CHST15: variants seen among roughly 807,000 people sequenced by gnomAD.
CHST15 encodes B cell RAG associated protein (GALNAC4S-6ST).
Under a neutral mutation model 53.6 loss-of-function variants are expected in CHST15, and 30 were observed. The observed-to-expected ratio is 0.56, with a 90% CI of 0.42 to 0.76. CHST15 has a LOEUF of 0.76. Among genes scored for constraint, CHST15 ranks in the 30% least tolerant of loss-of-function variants. The pLI, the probability that CHST15 is intolerant of heterozygous loss-of-function variation, is 0.00. For synonymous variants in CHST15, 296 were observed against 289.8 expected (o/e 1.02, Z -0.22); for missense variants, 627 against 740.5 (o/e 0.85, Z 1.78).
At chr10:124,015,578 C>T (rs1020106885) in intron 6 of CHST15, among the ~76,000 whole-genome samples, 7 of 151,984 alleles carry the variant, frequency 4.6e-5, no homozygotes, top group African/African-American at 9.7e-5. Flanking sequence ...GGTACCAGGC[C>T]GAGCCTCTCC....
intron 5 of CHST15, among the ~76,000 whole-genome samples, chr10:124,032,473 T>C (rs1360093687): frequency 6.6e-6 from 1 of 152,176 alleles, no homozygotes; most frequent in Non-Finnish European, 1.5e-5. Flanking sequence ...CTTCCACGCA[T>C]TTTTCACATT....
Position 124,044,675 on chromosome 10 carries a change from C to T in CHST15, c.791G>A (p.Cys264Tyr). The T allele has an allele frequency of 6.2e-7, 1 of 1,613,614 alleles. No homozygotes were observed. Among genetic ancestry groups the T allele is most frequent in the Non-Finnish European group, 8.5e-7 (1 of 1,179,774 alleles). The change falls in exon 3 of 8, where the codon TGC becomes TAC. Residue 264 changes from cysteine to tyrosine, a missense_variant. This residue lies in a region of CHST15 where 161 missense variants were observed against 117.2 expected (regional missense o/e 1.37). Transcript: ENST00000435907. Reference sequence around the variant, plus strand: ...GCGGTCATAGAGGTCTGTGGTCCCGCACTTGGGCTGCCCTATGATGTAGAA... The same window carrying T: ...GCGGTCATAGAGGTCTGTGGTCCCGTACTTGGGCTGCCCTATGATGTAGAA... ...PHFYIIGQPK[C>Y]GTTDLYDRLR...
chr10:124,071,649 A>C (rs1948916185), intron 1 of CHST15, among the ~76,000 whole-genome samples: 1 of 152,340 alleles, frequency 6.6e-6, no homozygotes. Flanking sequence ...TTCAAATTCC[A>C]GTGTGTATTT....
intron 1 of CHST15, among the ~76,000 whole-genome samples, chr10:124,070,265 G>C (rs1948872725): frequency 6.6e-6 from 1 of 152,222 alleles, no homozygotes; most frequent in Non-Finnish European, 1.5e-5. Context: ...CAAGGGAAAT[G>C]CATATGCCCA....
chr10:124,037,921 C>T (rs1947570105), intron 5 of CHST15, among the ~76,000 whole-genome samples: 2 of 152,078 alleles, frequency 1.3e-5, no homozygotes, highest in Admixed American at 1.3e-4. Context: ...CTTGACAGTA[C>T]CAAGGAACCG....
At position 124,074,226 on chromosome 10, in the gene CHST15, G is replaced by GAA. The variant is rs1302759406; in HGVS notation, c.-513+19241_-513+19242dup. ...TGCAGGGCCAGTGCCCCCCGGCTGG[G>GAA]AAAGACACCGAACCCTTGCACTGAT... On this transcript the variant is annotated intron_variant, in intron 1 of 7. Transcript: ENST00000435907. This position sits in a 1 kb window ranked among gnomAD's most constrained non-coding sequence, Gnocchi z 4.4. Among the ~76,000 whole-genome samples, 1 of 152,192 alleles carries GAA rather than the reference G, an allele frequency of 6.6e-6. No homozygotes were observed. The highest frequency in any genetic ancestry group is 1.5e-5 in the Non-Finnish European group (1 of 68,042).
rs559087385 is a variant in CHST15, at chr10:124,035,101, A to G, written c.1190+3414T>C. ...CAGGGACGCCGGCTCCACCCCTAACAGGGACCCCGGCTCCGCCCCCTAACA... is the reference window on the plus strand; with the variant it reads ...CAGGGACGCCGGCTCCACCCCTAACGGGGACCCCGGCTCCGCCCCCTAACA... On this transcript the variant is annotated intron_variant, in intron 5 of 7. Coordinates refer to ENST00000435907, the MANE Select transcript of CHST15 (RefSeq NM_001270764.2). 4.2e-3 allele frequency among the ~76,000 whole-genome samples: 498 copies of G among 119,398 alleles called. 3 individuals carry two copies. The highest frequency in any genetic ancestry group is 0.012 in the African/African-American group (372 of 29,844). The allele number at this position is 119,398 out of a possible 152,430, so 78.3% of individuals were successfully genotyped here. A position where few individuals can be genotyped will look rare whatever the true frequency, so the allele number is the denominator to read the frequency against.
chr10:124,021,241 G>C lies in CHST15; in HGVS notation c.1347+15C>G, dbSNP rs568783128. The C allele has an allele frequency of 1.9e-5, 30 of 1,571,108 alleles. No homozygotes were observed. The highest frequency in any genetic ancestry group is 6.9e-5 in the East Asian group (3 of 43,698). The stretch of plus-strand genomic sequence containing the variant: ...AGGGGCCAGCTCGGGGGGTACGGGG[G>C]GGGGGGGTACACACAGGCATGGCGT... On this transcript the variant is annotated intron_variant, in intron 6 of 7. Transcript: ENST00000435907.
chr10:124,033,856 T>C (rs1947319336), intron 5 of CHST15, among the ~76,000 whole-genome samples: 1 of 152,172 alleles, frequency 6.6e-6, no homozygotes, highest in Non-Finnish European at 1.5e-5. Flanking sequence ...TGAGAGACCT[T>C]AAGTAGAGGA....
chr10:124,079,134 T>A (rs777943190), intron 1 of CHST15, among the ~76,000 whole-genome samples: 25 of 152,006 alleles, frequency 1.6e-4, no homozygotes, highest in Non-Finnish European at 2.8e-4. Flanking sequence ...GAAAAAAAAA[T>A]TTCTTTTATC....
chr10:124,058,245 G>A (rs981318856), intron 1 of CHST15, among the ~76,000 whole-genome samples: 1 of 152,204 alleles, frequency 6.6e-6, no homozygotes, highest in Non-Finnish European at 1.5e-5. Flanking sequence ...ACAAAGCGAG[G>A]ACAGTCATAT....
chr10:124,010,103 G>A lies in CHST15; in HGVS notation c.*46C>T, dbSNP rs540719623. 5.3e-4 allele frequency: 859 copies of A among 1,611,910 alleles called. 12 individuals are homozygous for A. The South Asian group carries it at 8.9e-3, about 17-fold the overall frequency. ...GCAAAGAGATTTGTAAAATCCTGAT[G>A]ATGACGGCATTGGCGGGCCCAGCAC... On this transcript the variant is annotated 3_prime_UTR_variant, in exon 8 of 8. Transcript: ENST00000435907.
At chr10:124,067,093 C>T (rs536661280) in intron 1 of CHST15, among the ~76,000 whole-genome samples, 62 of 152,362 alleles carry the variant, frequency 4.1e-4, no homozygotes, top group African/African-American at 1.5e-3. Flanking sequence ...CCAGACTCCA[C>T]ATCCTGCACT....
intron 1 of CHST15, among the ~76,000 whole-genome samples, chr10:124,072,630 C>G (rs1468105635): frequency 6.6e-6 from 1 of 152,228 alleles, no homozygotes; most frequent in Admixed American, 6.5e-5. Context: ...GGCCAGCCAC[C>G]AGGCCAGCCA....
At position 124,021,694 on chromosome 10, in the gene CHST15, C is replaced by T. The variant is rs964262492; in HGVS notation, c.1191-282G>A. On this transcript the variant is annotated intron_variant, in intron 5 of 7. Transcript: ENST00000435907. ...TTGCTTGTTCTATCATCTCAGGCAG[C>T]CTCTGTTTTCACAGTAACAGGGAGC... 2.0e-5 allele frequency among the ~76,000 whole-genome samples: 3 copies of T among 152,236 alleles called. No homozygotes were observed. In the East Asian group the frequency reaches 5.8e-4, roughly 29 times the overall value.
chr10:124,082,555 G>T (rs1006247429), intron 1 of CHST15, among the ~76,000 whole-genome samples: 1 of 151,872 alleles, frequency 6.6e-6, no homozygotes, highest in Non-Finnish European at 1.5e-5. Context: ...AAGTGAAAAC[G>T]TCTCATAAAA....
chr10:124,041,378 C>T (rs77440947), intron 4 of CHST15, among the ~76,000 whole-genome samples: 2,048 of 152,236 alleles, frequency 0.013, 63 homozygotes, highest in East Asian at 0.087. Context: ...AGTGGATAAA[C>T]GCCTTCTAAG....
At chr10:124,020,561 T>C in intron 6 of CHST15, 2 of 985,652 alleles carry the variant, frequency 2.0e-6, no homozygotes, top group East Asian at 1.1e-4. Flanking sequence ...AGCAGGCCTG[T>C]TGGTGCCTTG....
rs1947501860 is a variant in CHST15, at chr10:124,036,464, A to G, written c.1190+2051T>C. 6.6e-6 allele frequency among the ~76,000 whole-genome samples: 1 copy of G among 152,194 alleles called. No individual in the cohort carries two copies. Among genetic ancestry groups the G allele is most frequent in the South Asian group, 2.1e-4 (1 of 4,826 alleles). ...GGACAGCCACCAAGAGCTCAGGCTC[A>G]GAGCGCTGGGGCTGAGGGAGGGCAG... On this transcript the variant is annotated intron_variant, in intron 5 of 7. Transcript: ENST00000435907. The surrounding 1 kb of genome is among the most constrained non-coding windows in gnomAD (Gnocchi z 5.1).
Sources: allele counts gnomAD v4.1 joint callset (sites outside exome capture counted in the v4.1 genomes callset), GRCh38; gene constraint gnomAD v4.1.1; regional missense constraint gnomAD v4.1.1; non-coding constraint Gnocchi (gnomAD v3.1); transcripts MANE v1.5; gene names NCBI Gene and HGNC (gene_info 2026-07-23, HGNC 2026-07-21).